Variants in MTMR8 observed in about 807,000 individuals in gnomAD.
MTMR8 encodes myotubularin related protein 8, also known as phosphatidylinositol-3,5-bisphosphate 3-phosphatase MTMR8.
Under a neutral mutation model 39.3 loss-of-function variants are expected in MTMR8, and 65 were observed. The ratio of observed to expected loss-of-function variants is 1.65; its 90% CI spans 1.35 to 2.03. The LOEUF (loss-of-function observed/expected upper bound fraction) is 2.03. Ranked by LOEUF, MTMR8 falls within the 30% of genes most tolerant of loss-of-function variation. The pLI is 0.00. For missense variants in MTMR8, 777 were observed against 538.9 expected, an observed-to-expected ratio of 1.44 and a Z score of -4.37; for synonymous variants, 245 against 185.2, an observed-to-expected ratio of 1.32 and a Z score of -2.62.
chrX:64,343,468 C>T (rs1366097195), intron 8 of MTMR8, 143 bp downstream of exon 8: 9 of 408,081 alleles, frequency 2.2e-5, no homozygotes, highest in Non-Finnish European at 3.4e-5. Context: ...AAGAGACTTG[C>T]CCAAGGGCAC....
intron 12 of MTMR8, among the ~76,000 whole-genome samples, chrX:64,303,395 C>T (rs772714239): frequency 8.9e-6 from 1 of 112,342 alleles, no homozygotes; most frequent in South Asian, 3.7e-4. Context: ...AGACACACTG[C>T]AAAAATACTC....
At chrX:64,287,250 C>G (rs1921216240) in intron 12 of MTMR8, among the ~76,000 whole-genome samples, 1 of 111,082 alleles carries the variant, frequency 9.0e-6, no homozygotes, top group Non-Finnish European at 1.9e-5. Context: ...AGGAATCCAA[C>G]TTACAAGGGA....
chrX:64,308,320 A>ATTTTTTTTTTTTT (rs778962275), intron 12 of MTMR8, among the ~76,000 whole-genome samples: 154 of 69,563 alleles, frequency 2.2e-3, no homozygotes, highest in African/African-American at 3.4e-3. Context: ...ACGGCTGGCT[A>ATTTTTTTTTTTTT]TTTTTTTTTT....
At chrX:64,296,578 T>C (rs990430207) in intron 12 of MTMR8, among the ~76,000 whole-genome samples, 1 of 108,597 alleles carries the variant, frequency 9.2e-6, no homozygotes, top group Admixed American at 9.9e-5. Context: ...TGCTGGTTTT[T>C]TTTTTTTTTT....
At chrX:64,309,409 T>C (rs1400471568) in intron 12 of MTMR8, among the ~76,000 whole-genome samples, 1 of 111,695 alleles carries the variant, frequency 9.0e-6, no homozygotes, top group Non-Finnish European at 1.9e-5. Flanking sequence ...TGTTCATTGC[T>C]AGTATGTTGG....
intron 13 of MTMR8, among the ~76,000 whole-genome samples, chrX:64,270,104 C>T (rs897726618): frequency 2.7e-5 from 3 of 110,032 alleles, no homozygotes; most frequent in Non-Finnish European, 5.7e-5. Flanking sequence ...TGGGCCTTCT[C>T]GGGGATGCAT....
chrX:64,373,212 A>G (rs1924174589), intron 1 of MTMR8, among the ~76,000 whole-genome samples: 1 of 112,018 alleles, frequency 8.9e-6, no homozygotes, highest in African/African-American at 3.2e-5. Context: ...GAGAAGCAAG[A>G]ACCCAAACTC....
At chrX:64,373,986 C>T (rs372579946) in intron 1 of MTMR8, among the ~76,000 whole-genome samples, 24 of 112,011 alleles carry the variant, frequency 2.1e-4, no homozygotes, top group African/African-American at 7.8e-4. Context: ...CAGAGCCAGA[C>T]AACAGCAAAA....
At chrX:64,283,219 G>T (rs183226441) in intron 12 of MTMR8, among the ~76,000 whole-genome samples, 1 of 111,815 alleles carries the variant, frequency 8.9e-6, no homozygotes, top group Non-Finnish European at 1.9e-5. Context: ...AAAAAGCCTC[G>T]CTCATTGCTA....
intron 12 of MTMR8, among the ~76,000 whole-genome samples, chrX:64,302,356 G>T (rs1921919721): frequency 8.9e-6 from 1 of 112,420 alleles, no homozygotes; most frequent in East Asian, 2.8e-4. Context: ...CCCTTTCTTT[G>T]ATTCGGAAAG....
intron 4 of MTMR8, among the ~76,000 whole-genome samples, chrX:64,350,424 G>C (rs1389383597): frequency 4.5e-5 from 5 of 111,032 alleles, no homozygotes; most frequent in South Asian, 3.8e-4. Flanking sequence ...TTTCAACATG[G>C]GGTTTTATGT....
At chrX:64,315,907 A>AGAG (rs1315042619) in intron 12 of MTMR8, among the ~76,000 whole-genome samples, 50 of 110,223 alleles carry the variant, frequency 4.5e-4, no homozygotes, top group Non-Finnish European at 7.2e-4. Flanking sequence ...TGGTTTCTCT[A>AGAG]GGCAGTATAT....
intron 1 of MTMR8, among the ~76,000 whole-genome samples, chrX:64,386,817 G>A (rs1350479674): frequency 9.0e-6 from 1 of 110,828 alleles, no homozygotes; most frequent in Non-Finnish European, 1.9e-5. Flanking sequence ...GCCCAAGTAG[G>A]AGGATTGCTT....
intron 1 of MTMR8, among the ~76,000 whole-genome samples, chrX:64,367,356 C>T (rs760425443): frequency 8.9e-6 from 1 of 111,930 alleles, no homozygotes; most frequent in South Asian, 3.7e-4. Context: ...TGCCAAAATC[C>T]TCAATAAAAT....
chrX:64,359,349 A>C, intron 2 of MTMR8, 56 bp downstream of exon 2: 1 of 1,108,108 alleles, frequency 9.0e-7, no homozygotes, highest in Admixed American at 2.7e-5. Flanking sequence ...TACCATATAG[A>C]GAGCATGTAT....
At chrX:64,383,386 T>C (rs1924480780) in intron 1 of MTMR8, among the ~76,000 whole-genome samples, 3 of 109,254 alleles carry the variant, frequency 2.7e-5, no homozygotes, top group Admixed American at 9.9e-5. Flanking sequence ...TTTATAATTA[T>C]ATAGAATTCC....
intron 12 of MTMR8, among the ~76,000 whole-genome samples, chrX:64,327,306 C>G (rs761327441): frequency 9.0e-6 from 1 of 111,594 alleles, no homozygotes; most frequent in African/African-American, 3.2e-5. Flanking sequence ...GATTAATAAC[C>G]AGAATATATA....
chrX:64,349,085 G>A (rs1356026453), intron 5 of MTMR8, among the ~76,000 whole-genome samples: 1 of 111,216 alleles, frequency 9.0e-6, no homozygotes, highest in African/African-American at 3.3e-5. Flanking sequence ...GATATATAAT[G>A]GGCTATTTTT....
At chrX:64,315,209 C>T (rs1340383779) in intron 12 of MTMR8, among the ~76,000 whole-genome samples, 4 of 112,163 alleles carry the variant, frequency 3.6e-5, no homozygotes, top group Non-Finnish European at 7.5e-5. Flanking sequence ...GGGTCTTCTC[C>T]TGCCAGGATT....
Sources: gnomAD v4.1 joint callset for allele counts (sites outside exome capture counted in the v4.1 genomes callset) on GRCh38, gnomAD v4.1.1 for gene constraint, MANE v1.5 for transcripts, NCBI Gene and HGNC (gene_info 2026-07-23, HGNC 2026-07-21) for gene names.